Variants in SCNN1A observed in about 807,000 individuals in gnomAD.
SCNN1A encodes sodium channel epithelial 1 subunit alpha.
In SCNN1A, 65 loss-of-function variants were observed where a neutral mutation model predicts 68.6. The observed-to-expected ratio is 0.95, with a 90% CI of 0.78 to 1.16. The LOEUF (loss-of-function observed/expected upper bound fraction) is 1.16. Ranked by LOEUF, SCNN1A falls within the 50% of genes most tolerant of loss-of-function variation. The pLI is 0.00. For missense variants in SCNN1A, 880 were observed against 865.9 expected (o/e 1.02, Z -0.20); for synonymous variants, 357 against 353.3 (o/e 1.01, Z -0.12).
chr12:6,363,518 G>C lies in SCNN1A; in HGVS notation c.609C>G (p.Ala203=), dbSNP rs1565482726. 1 of 1,609,626 alleles carries C rather than the reference G, an allele frequency of 6.2e-7. No individual in the cohort carries two copies. Among genetic ancestry groups the C allele is most frequent in the Non-Finnish European group, 8.5e-7 (1 of 1,177,950 alleles). The change falls in exon 3 of 13, where the codon GCC becomes GCG. Residue 203 remains alanine, a synonymous_variant. Transcript: ENST00000228916. ...CCCGCAAGCTGGAGGCCACGCTACGGGCTCGACGGGCCCCGTGAGGCGGGG... is the reference window on the plus strand; with the variant it reads ...CCCGCAAGCTGGAGGCCACGCTACGCGCTCGACGGGCCCCGTGAGGCGGGG... The part of the protein sequence containing the change: ...VPPPPHGARR[A]RSVASSLRDN...
Position 6,350,207 on chromosome 12 carries a change from T to C in SCNN1A, c.1361-802A>G, listed in dbSNP as rs369920732. Among the ~76,000 whole-genome samples the C allele has an allele frequency of 4.9e-5, 7 of 142,126 alleles. No individual in the cohort carries two copies. The South Asian group carries it at 9.0e-4, about 18-fold the overall frequency. 93.2% of individuals were successfully genotyped at this position (142,126 alleles called of 152,430 possible). On this transcript the variant is annotated intron_variant, in intron 8 of 12. Transcript: ENST00000228916. ...CAGCACTTTGGGAGGCCGAGGCGGGTGGATCACGAGGTCAAGAGATCGAGA... is the reference window on the plus strand; with the variant it reads ...CAGCACTTTGGGAGGCCGAGGCGGGCGGATCACGAGGTCAAGAGATCGAGA...
rs1208424712 is a variant in SCNN1A, at chr12:6,375,212, C to T, written c.-55+293G>A. ...CTCCTGCCTCTCACTCCCTCTCTAT[C>T]TGCCTTCTGTTTCTCTTTGGGTCTC... is the stretch of plus-strand genomic sequence containing the variant. On this transcript the variant is annotated intron_variant, in intron 1 of 12. Transcript: ENST00000228916. The T allele has an allele frequency of 3.3e-5, 48 of 1,443,902 alleles. 1 individual carries two copies. Among genetic ancestry groups the T allele is most frequent in the African/African-American group, 1.4e-5 (1 of 69,876 alleles). 89.4% of individuals were successfully genotyped at this position (1,443,902 alleles called of 1,614,324 possible). A position where few individuals can be genotyped will look rare whatever the true frequency, so the allele number is the denominator to read the frequency against.
intron 4 of SCNN1A, among the ~76,000 whole-genome samples, chr12:6,361,121 A>C (rs576234067): frequency 6.6e-6 from 1 of 152,334 alleles, no homozygotes; most frequent in South Asian, 2.1e-4. Flanking sequence ...TTTTCCTTTG[A>C]TGTAGTCCAA....
intron 1 of SCNN1A, chr12:6,375,231 G>C (rs1428608936): frequency 2.8e-6 from 4 of 1,440,914 alleles, no homozygotes; most frequent in Non-Finnish European, 3.6e-6. Flanking sequence ...GTTTCTCTTT[G>C]GGTCTCTCCT....
At chr12:6,353,727 C>G (rs1302291791) in intron 8 of SCNN1A, 1 of 100,570 alleles carries the variant, frequency 9.9e-6, no homozygotes, top group Non-Finnish European at 1.8e-5. Context: ...GTAGCTGGGA[C>G]TACAGGCGCC....
intron 2 of SCNN1A, among the ~76,000 whole-genome samples, chr12:6,364,431 G>A (rs1948640588): frequency 6.6e-6 from 1 of 152,126 alleles, no homozygotes; most frequent in South Asian, 2.1e-4. Context: ...GAACAAGGTT[G>A]CAGGGTACAC....
chr12:6,371,523 CGGGGGGGCGGGGGGT>C, intron 2 of SCNN1A, among the ~76,000 whole-genome samples: 1 of 62,300 alleles, frequency 1.6e-5, no homozygotes, highest in African/African-American at 6.3e-5. Flanking sequence ...TGGAGCGTGG[CGGGGGGGCGGGGGGT>C]GGGGGTGAGG....
At chr12:6,361,337 A>C (rs1948576393) in intron 4 of SCNN1A, among the ~76,000 whole-genome samples, 1 of 152,136 alleles carries the variant, frequency 6.6e-6, no homozygotes. Flanking sequence ...AACCCATGCC[A>C]CTCCACCTCA....
chr12:6,374,536 T>G lies in SCNN1A; in HGVS notation c.248A>C (p.Lys83Thr). 6.2e-7 allele frequency: 1 copy of G among 1,614,140 alleles called. No individual in the cohort carries two copies. Among genetic ancestry groups the G allele is most frequent in the Non-Finnish European group, 8.5e-7 (1 of 1,180,038 alleles). The change falls in exon 2 of 13, where the codon AAG becomes ACG. Residue 83 changes from lysine (K) to threonine (T), a missense_variant. Coordinates refer to ENST00000228916, the MANE Select transcript of SCNN1A (RefSeq NM_001038.6). This position sits in a 1 kb window ranked among gnomAD's most constrained non-coding sequence, Gnocchi z 6.2. The stretch of plus-strand genomic sequence containing the variant: ...CCACAGCACTGCCCAGAAGGCCGTC[T>G]TCATGCGGTTGTGCTGGGAGCACAC... ...RLVCSQHNRMKTAFWAVLWLC... is the reference protein window; with the variant it reads ...RLVCSQHNRMTTAFWAVLWLC...
rs557722241 is a variant in SCNN1A, at chr12:6,365,776, C to T, written c.417-2066G>A. On this transcript the variant is annotated intron_variant, in intron 2 of 12. Transcript: ENST00000228916. ...AGAAGATGGAAGATATCTTCCTGAC[C>T]TTGGGGTAGGCAAAATTCTCTTGTA... Among the ~76,000 whole-genome samples, 3 of 152,310 alleles carry T rather than the reference C, an allele frequency of 2.0e-5. No individual in the cohort carries two copies. The South Asian group carries it at 6.2e-4, about 32-fold the overall frequency.
chr12:6,363,406 AG>A, intron 3 of SCNN1A, 36 bp downstream of exon 3: 1 of 1,478,720 alleles, frequency 6.8e-7, no homozygotes. Context: ...GGGGCCGGCG[AG>A]GGGCGGGGCG....
chr12:6,355,004 A>G (rs751549917), intron 6 of SCNN1A, among the ~76,000 whole-genome samples, 156 bp from the exon 7 acceptor site: 21 of 151,318 alleles, frequency 1.4e-4, no homozygotes, highest in South Asian at 2.1e-4. Flanking sequence ...ATGCCCACCC[A>G]CTGCTCATTT....
intron 8 of SCNN1A, among the ~76,000 whole-genome samples, chr12:6,352,020 C>T (rs973239753): frequency 2.6e-5 from 4 of 151,978 alleles, no homozygotes; most frequent in African/African-American, 7.3e-5. Context: ...CAAAGTGCTG[C>T]GATTACAGGC....
chr12:6,347,760 G>C lies in SCNN1A; in HGVS notation c.*113C>G, dbSNP rs62620999. 15 of 894,476 alleles carry C rather than the reference G, an allele frequency of 1.7e-5. No individual in the cohort carries two copies. Among genetic ancestry groups the C allele is most frequent in the Middle Eastern group, 6.4e-4 (2 of 3,104 alleles). 55.4% of individuals were successfully genotyped at this position (894,476 alleles called of 1,614,324 possible). A position where few individuals can be genotyped will look rare whatever the true frequency, so the allele number is the denominator to read the frequency against. On this transcript the variant is annotated 3_prime_UTR_variant, in exon 13 of 13. Transcript: ENST00000228916. ...TCTTGCTTCCCCTCCACACATCAAC[G>C]GCAGTTTGGGCGGCTCTGAGAGGAA... is the stretch of plus-strand genomic sequence containing the variant.
intron 2 of SCNN1A, among the ~76,000 whole-genome samples, chr12:6,373,369 G>A (rs1001435624): frequency 6.6e-6 from 1 of 152,124 alleles, no homozygotes; most frequent in Admixed American, 6.5e-5. Context: ...ATCCCAGTGT[G>A]CCACAGTTAC....
At chr12:6,371,273 C>G (rs1434820785) in intron 2 of SCNN1A, among the ~76,000 whole-genome samples, 1 of 151,848 alleles carries the variant, frequency 6.6e-6, no homozygotes, top group African/African-American at 2.4e-5. Flanking sequence ...GGCTCATTAA[C>G]CTGTTTACCT....
At position 6,363,435 on chromosome 12, in the gene SCNN1A, G is replaced by A. The variant is rs765409420; in HGVS notation, c.684+8C>T. 5 of 1,556,238 alleles carry A rather than the reference G, an allele frequency of 3.2e-6. No individual in the cohort carries two copies. In the East Asian group the frequency reaches 1.2e-4, roughly 37 times the overall value. ...GCGGGGCGGGCCCCTCGGCGCTGCG[G>A]GCCTCACCAGCTGGAAGCCGATCTT... On this transcript the variant is annotated splice_region_variant and intron_variant, in intron 3 of 12. Coordinates refer to ENST00000228916, the MANE Select transcript of SCNN1A (RefSeq NM_001038.6).
At chr12:6,362,853 ATT>A (rs74538150) in intron 3 of SCNN1A, among the ~76,000 whole-genome samples, 3 of 106,488 alleles carry the variant, frequency 2.8e-5, no homozygotes, top group Admixed American at 1.1e-4. Flanking sequence ...TAATTTTTGT[ATT>A]TTTTTTTTGT....
chr12:6,348,778 G>A lies in SCNN1A; in HGVS notation c.1578C>T (p.Ile526=). Residue 526 remains isoleucine (I), a synonymous_variant, in exon 12 of 13, where the codon ATC becomes ATT. Transcript: ENST00000228916. ...TTTTGTAGTTCAGCTCCTTGAAGAA[G>A]ATGTTGACTTTGGCCACTCCATTTC... The part of the protein sequence containing the change: ...NKRNGVAKVN[I]FFKELNYKTN... 1 of 1,613,932 alleles carries A rather than the reference G, an allele frequency of 6.2e-7. No individual in the cohort carries two copies. Among genetic ancestry groups the A allele is most frequent in the Non-Finnish European group, 8.5e-7 (1 of 1,179,994 alleles).
Sources: gnomAD v4.1 joint callset for allele counts (sites outside exome capture counted in the v4.1 genomes callset) on GRCh38, gnomAD v4.1.1 for gene constraint, Gnocchi (gnomAD v3.1) non-coding constraint, MANE v1.5 for transcripts, NCBI Gene and HGNC (gene_info 2026-07-23, HGNC 2026-07-21) for gene names.